RIPOR1: variants seen among roughly 807,000 people sequenced by gnomAD.
The protein encoded by RIPOR1 is RHO family interacting cell polarization regulator 1.
RIPOR1 carries 58 observed loss-of-function variants against 116.5 expected under a neutral mutation model. The ratio of observed to expected loss-of-function variants is 0.50; its 90% CI spans 0.40 to 0.62. The LOEUF is 0.62. Ranked by LOEUF, RIPOR1 falls within the 20% of genes least tolerant of loss-of-function variation. The pLI is 0.00. For synonymous variants in RIPOR1, 605 were observed against 650.0 expected (o/e 0.93, Z 1.05); for missense variants, 1,372 against 1,586.2 (o/e 0.86, Z 2.29).
At chr16:67,519,894 T>C (rs2050479145) in intron 1 of RIPOR1, among the ~76,000 whole-genome samples, 1 of 151,118 alleles carries the variant, frequency 6.6e-6, no homozygotes, top group African/African-American at 2.4e-5. Context: ...AAACCCTGTC[T>C]CTACTAAAAA....
At position 67,544,729 on chromosome 16, in the gene RIPOR1, A is replaced by G; in HGVS notation, c.2768A>G (p.Glu923Gly). 3.1e-6 allele frequency: 5 copies of G among 1,613,498 alleles called. No homozygotes were observed. The highest frequency in any genetic ancestry group is 4.2e-6 in the Non-Finnish European group (5 of 1,179,902). The change falls in exon 16 of 22, where the codon GAG (glutamate) becomes GGG (glycine). Residue 923 changes from glutamate to glycine, a missense_variant. This residue lies in a region of RIPOR1 where 1,005 missense variants were observed against 1,144.7 expected (regional missense o/e 0.88). Transcript: ENST00000042381. The surrounding 1 kb of genome is among the most constrained non-coding windows in gnomAD (Gnocchi z 5.1). Reference protein sequence around the residue: ...LGTFGPLRCQEAWALERLLRE... With the variant: ...LGTFGPLRCQGAWALERLLRE... ...ACATTTGGGCCCCTGCGCTGCCAGG[A>G]GGCATGGGCCCTGGAGCGGCTGCTG...
In RIPOR1 at chr16:67,538,815, G is replaced by A; in HGVS notation, c.248G>A (p.Arg83Gln). Residue 83 changes from arginine to glutamine, a missense_variant, in exon 3 of 22, where the codon CGG becomes CAG. Physicochemically the swap from Arg to Gln is conservative, Grantham distance 43 (BLOSUM62 1). Transcript: ENST00000042381. The part of the protein sequence containing the change: ...RLDLVYTALK[R>Q]GLTAYLEVHQ... Reference sequence around the variant, plus strand: ...GACCTGGTGTACACGGCGCTGAAGCGGGGCCTGACGTGAGCAGCTCCTCTG... The same window carrying A: ...GACCTGGTGTACACGGCGCTGAAGCAGGGCCTGACGTGAGCAGCTCCTCTG... 1 of 1,612,932 alleles carries A rather than the reference G, an allele frequency of 6.2e-7. No individual in the cohort carries two copies. The highest frequency in any genetic ancestry group is 8.5e-7 in the Non-Finnish European group (1 of 1,179,912).
chr16:67,532,980 T>C (rs550220446), intron 1 of RIPOR1, among the ~76,000 whole-genome samples: 1 of 152,182 alleles, frequency 6.6e-6, no homozygotes, highest in East Asian at 1.9e-4. Context: ...GAGTTGGTGA[T>C]GGCTTGGACC....
chr16:67,539,932 G>A (rs771594874), intron 6 of RIPOR1, 33 bp downstream of exon 6: 11 of 1,613,976 alleles, frequency 6.8e-6, no homozygotes, highest in African/African-American at 6.7e-5. Flanking sequence ...GAGTGGGGTG[G>A]GGGGTTGGAT....
In RIPOR1 at chr16:67,540,793, C is replaced by T; in HGVS notation, c.801+89C>T. 7.8e-7 allele frequency: 1 copy of T among 1,287,202 alleles called. No homozygotes were observed. The highest frequency in any genetic ancestry group is 1.5e-5 in the African/African-American group (1 of 67,194). The allele number at this position is 1,287,202 out of a possible 1,614,324, so 79.7% of individuals were successfully genotyped here. A position where few individuals can be genotyped will look rare whatever the true frequency, so the allele number is the denominator to read the frequency against. ...CCCTGAGTCCCTTACTCCTGTGATC[C>T]CCTCATAGCTCCATAGCCCTGTGAA... On this transcript the variant is annotated intron_variant, in intron 10 of 21. Transcript: ENST00000042381. The surrounding 1 kb of genome is among the most constrained non-coding windows in gnomAD (Gnocchi z 4.7).
In RIPOR1 at chr16:67,543,120, C is replaced by T. The variant is rs201870289; in HGVS notation, c.2334C>T (p.Val778=). Residue 778 remains valine, a synonymous_variant, in exon 13 of 22, where the codon GTC becomes GTT. Coordinates refer to ENST00000042381, the MANE Select transcript of RIPOR1 (RefSeq NM_024519.4). This position sits in a 1 kb window ranked among gnomAD's most constrained non-coding sequence, Gnocchi z 4.7. Reference sequence around the variant, plus strand: ...TGGCCATGGCTGTCCAGACCCCAGTCCCAACGGCAGCCGGAGGGTCTGGGG... The same window carrying T: ...TGGCCATGGCTGTCCAGACCCCAGTTCCAACGGCAGCCGGAGGGTCTGGGG... ...LCLAMAVQTP[V]PTAAGGSGDR... The T allele has an allele frequency of 7.9e-6, 12 of 1,524,508 alleles. No homozygotes were observed. The Admixed American group carries it at 1.8e-4, about 22-fold the overall frequency. 94.4% of individuals were successfully genotyped at this position (1,524,508 alleles called of 1,614,324 possible). A position where few individuals can be genotyped will look rare whatever the true frequency, so the allele number is the denominator to read the frequency against.
rs1490483375 is a variant in RIPOR1 at position 67,531,678 on chromosome 16, G to A, written c.-24+2764G>A. On this transcript the variant is annotated intron_variant, in intron 1 of 21. Transcript: ENST00000042381. The surrounding 1 kb of genome is among the most constrained non-coding windows in gnomAD (Gnocchi z 4.2). ...GCTGGAACAGAGAAAGCAGGGGACT[G>A]GGAGGAGAGGAGTGGTTGAAAGAAT... is the stretch of plus-strand genomic sequence containing the variant. The A allele has an allele frequency of 4.4e-6, 2 of 450,096 alleles. No individual in the cohort carries two copies. The highest frequency in any genetic ancestry group is 8.9e-6 in the Non-Finnish European group (2 of 223,996). 27.9% of individuals were successfully genotyped at this position (450,096 alleles called of 1,614,324 possible). A position where few individuals can be genotyped will look rare whatever the true frequency, so the allele number is the denominator to read the frequency against.
upstream of RIPOR1, among the ~76,000 whole-genome samples, chr16:67,526,520 G>A (rs553722982): frequency 1.6e-3 from 241 of 152,340 alleles, 1 homozygote; most frequent in African/African-American, 5.5e-3. Flanking sequence ...CTAAAGGAAG[G>A]TGAGGGCAGG....
chr16:67,519,305 GCCCA>G (rs2050473944), intron 1 of RIPOR1, among the ~76,000 whole-genome samples: 1 of 151,912 alleles, frequency 6.6e-6, no homozygotes. Flanking sequence ...ACACTTCAGG[GCCCA>G]CCCTGTGCAA....
In RIPOR1 at chr16:67,545,889, G is replaced by C. The variant is rs11860390; in HGVS notation, c.3387+29G>C. 8.3e-3 allele frequency: 13,380 copies of C among 1,611,398 alleles called. 869 individuals are homozygous for C. In the African/African-American group the frequency reaches 0.15, roughly 18 times the overall value. On this transcript the variant is annotated intron_variant, in intron 19 of 21. Transcript: ENST00000042381. The surrounding 1 kb of genome is among the most constrained non-coding windows in gnomAD (Gnocchi z 4.8). ...AGTTGGACAGGGCTCCCTTGAGGGC[G>C]AGGGCTGGGGTCCTGGACTCCCACT...
Position 67,539,365 on chromosome 16 carries a change from T to C in RIPOR1, c.336+297T>C, listed in dbSNP as rs1033348120. ...ACTGAGCAGTGGTACTGCTGCATGGTGCTTCTTGGGAAGAGGTTAGGGCTT... is the reference window on the plus strand; with the variant it reads ...ACTGAGCAGTGGTACTGCTGCATGGCGCTTCTTGGGAAGAGGTTAGGGCTT... On this transcript the variant is annotated intron_variant, in intron 4 of 21. Coordinates refer to ENST00000042381, the MANE Select transcript of RIPOR1 (RefSeq NM_024519.4). 4.6e-5 allele frequency: 24 copies of C among 518,766 alleles called. 1 individual carries two copies. The highest frequency in any genetic ancestry group is 4.2e-4 in the African/African-American group (22 of 52,358). 32.1% of individuals were successfully genotyped at this position (518,766 alleles called of 1,614,324 possible).
chr16:67,525,518 G>A (rs1396897203), upstream of RIPOR1, among the ~76,000 whole-genome samples: 4 of 152,130 alleles, frequency 2.6e-5, no homozygotes, highest in African/African-American at 9.7e-5. Context: ...GGGGGCTGTA[G>A]GGTGGGGTGA....
rs2050843891 is a variant in RIPOR1 at position 67,537,932 on chromosome 16, C to A, written c.-23-492C>A. 3.8e-6 allele frequency: 1 copy of A among 266,104 alleles called. No individual in the cohort carries two copies. Among genetic ancestry groups the A allele is most frequent in the Non-Finnish European group, 7.0e-6 (1 of 141,896 alleles). 16.5% of individuals were successfully genotyped at this position (266,104 alleles called of 1,614,324 possible). A position where few individuals can be genotyped will look rare whatever the true frequency, so the allele number is the denominator to read the frequency against. Reference sequence around the variant, plus strand: ...GGCGACAAACCCGCACCGGCTGGGCCTGTCGGGCAGCTCCGCAGGGCTCCG... The same window carrying A: ...GGCGACAAACCCGCACCGGCTGGGCATGTCGGGCAGCTCCGCAGGGCTCCG... On this transcript the variant is annotated intron_variant, in intron 1 of 21. Coordinates refer to ENST00000042381, the MANE Select transcript of RIPOR1 (RefSeq NM_024519.4). This position sits in a 1 kb window ranked among gnomAD's most constrained non-coding sequence, Gnocchi z 4.6.
rs751051079 is a variant in RIPOR1 at position 67,542,041 on chromosome 16, C to A, written c.1255C>A (p.Pro419Thr). 2.5e-6 allele frequency: 4 copies of A among 1,607,258 alleles called. No individual in the cohort carries two copies. The highest frequency in any genetic ancestry group is 2.2e-5 in the East Asian group (1 of 44,716). Residue 419 changes from proline to threonine, a missense_variant, in exon 13 of 22, where the codon CCT (proline) becomes ACT (threonine). Physicochemically the swap from Pro to Thr is conservative, Grantham distance 38. Coordinates refer to ENST00000042381, the MANE Select transcript of RIPOR1 (RefSeq NM_024519.4). The surrounding 1 kb of genome is among the most constrained non-coding windows in gnomAD (Gnocchi z 4.6). The stretch of plus-strand genomic sequence containing the variant: ...TCCCATCCAAGTTGCCTTCCGCAGG[C>A]CTGAGACCCCCAGCTCTGGGCCCTT... ...PLPIQVAFRR[P>T]ETPSSGPLDE... is the part of the protein sequence containing the mutation.
intron 4 of RIPOR1, chr16:67,539,364 G>A (rs1003176782): frequency 1.2e-5 from 6 of 520,240 alleles, no homozygotes; most frequent in Non-Finnish European, 2.1e-5. Context: ...CTGCTGCATG[G>A]TGCTTCTTGG....
At chr16:67,522,330 G>C (rs1195357872) in intron 1 of RIPOR1, among the ~76,000 whole-genome samples, 1 of 150,488 alleles carries the variant, frequency 6.6e-6, no homozygotes, top group African/African-American at 2.5e-5. Context: ...AGCCTCCCGA[G>C]TAGCTGGGAT....
intron 1 of RIPOR1, among the ~76,000 whole-genome samples, chr16:67,523,534 A>AC (rs1340948335): frequency 1.3e-5 from 2 of 150,724 alleles, no homozygotes; most frequent in African/African-American, 4.9e-5. Context: ...AAAAAAAAAA[A>AC]AAAAAAAAAA....
At position 67,546,620 on chromosome 16, in the gene RIPOR1, G is replaced by C; in HGVS notation, c.*157G>C. The C allele has an allele frequency of 6.3e-6, 4 of 637,828 alleles. No homozygotes were observed. Among genetic ancestry groups the C allele is most frequent in the Non-Finnish European group, 1.1e-5 (4 of 367,164 alleles). The allele number at this position is 637,828 out of a possible 1,614,324, so 39.5% of individuals were successfully genotyped here. A position where few individuals can be genotyped will look rare whatever the true frequency, so the allele number is the denominator to read the frequency against. On this transcript the variant is annotated 3_prime_UTR_variant, in exon 22 of 22. Transcript: ENST00000042381. The stretch of plus-strand genomic sequence containing the variant: ...TTCTTCTGTTGCCCCTGGGGTTGGA[G>C]AGTCAGTGCCTGCAGTCAAGTGCCT...
Position 67,537,244 on chromosome 16 carries a change from A to T in RIPOR1, c.-23-1180A>T, listed in dbSNP as rs1379473657. Among the ~76,000 whole-genome samples, 2 of 152,108 alleles carry T rather than the reference A, an allele frequency of 1.3e-5. No individual in the cohort carries two copies. Among genetic ancestry groups the T allele is most frequent in the Non-Finnish European group, 2.9e-5 (2 of 68,010 alleles). On this transcript the variant is annotated intron_variant, in intron 1 of 21. Transcript: ENST00000042381. The surrounding 1 kb of genome is among the most constrained non-coding windows in gnomAD (Gnocchi z 4.6). Reference sequence around the variant, plus strand: ...GCGACTCTTTAAGCCCCCTACTCTAATGTCTGATACTTCCTCCACTTAGCG... The same window carrying T: ...GCGACTCTTTAAGCCCCCTACTCTATTGTCTGATACTTCCTCCACTTAGCG...
Sources: gnomAD v4.1 joint callset for allele counts (sites outside exome capture counted in the v4.1 genomes callset) on GRCh38, gnomAD v4.1.1 for gene constraint, gnomAD v4.1.1 regional missense constraint, Gnocchi (gnomAD v3.1) non-coding constraint, MANE v1.5 for transcripts, NCBI Gene and HGNC (gene_info 2026-07-23, HGNC 2026-07-21) for gene names.